The following CADM2 variants were observed in gnomAD, a reference collection of about 807,000 sequenced individuals.
CADM2 encodes immunoglobulin superfamily member 4D.
A neutral mutation model predicts 49.8 loss-of-function variants in CADM2; 12 were observed. That is an observed-to-expected ratio of 0.24 (90% CI 0.15 to 0.39). The LOEUF is 0.39. CADM2 is among the 10% of genes least tolerant of loss of function. CADM2 has a pLI of 1.00. For synonymous variants in CADM2, 214 were observed against 175.4 expected (o/e 1.22, Z -1.74); for missense variants, 378 against 492.3 (o/e 0.77, Z 2.20).
intron 1 of CADM2, among the ~76,000 whole-genome samples, chr3:85,389,649 G>A (rs973081051): frequency 6.6e-6 from 1 of 151,996 alleles, no homozygotes; most frequent in Admixed American, 6.5e-5. Flanking sequence ...AGTTACTAGA[G>A]ACATTTCCTA....
intron 3 of CADM2, among the ~76,000 whole-genome samples, chr3:85,803,142 C>T (rs13067258): frequency 6.6e-6 from 1 of 152,142 alleles, no homozygotes; most frequent in African/African-American, 2.4e-5. Context: ...TTCATTGTTA[C>T]AATTTTTCTT....
At chr3:85,881,050 A>G (rs1035076610) in intron 3 of CADM2, among the ~76,000 whole-genome samples, 22 of 152,084 alleles carry the variant, frequency 1.4e-4, no homozygotes, top group African/African-American at 5.1e-4. Flanking sequence ...ATTGTCTCAC[A>G]GGTCCCTGGG....
At chr3:85,733,502 G>A (rs2107801986) in intron 2 of CADM2, among the ~76,000 whole-genome samples, 1 of 152,232 alleles carries the variant, frequency 6.6e-6, no homozygotes, top group African/African-American at 2.4e-5. Context: ...AAACTAGTCT[G>A]GGTCACAATG....
intron 1 of CADM2, among the ~76,000 whole-genome samples, chr3:85,321,505 G>T (rs2044612337): frequency 6.6e-6 from 1 of 151,756 alleles, no homozygotes; most frequent in Non-Finnish European, 1.5e-5. Context: ...ATTTTAATTA[G>T]TATTATAGAC....
chr3:84,961,490 C>T (rs1021525316), intron 1 of CADM2, among the ~76,000 whole-genome samples: 1 of 152,180 alleles, frequency 6.6e-6, no homozygotes, highest in Non-Finnish European at 1.5e-5. Flanking sequence ...ACCTTTCACA[C>T]CCCCATCCTC....
At chr3:85,715,947 A>C (rs2067276574) in intron 1 of CADM2, among the ~76,000 whole-genome samples, 1 of 152,218 alleles carries the variant, frequency 6.6e-6, no homozygotes, top group African/African-American at 2.4e-5. Flanking sequence ...GCTATTGTGA[A>C]TAGTGCTGCA....
chr3:85,803,088 T>C (rs1157353607), intron 3 of CADM2, among the ~76,000 whole-genome samples: 1 of 152,168 alleles, frequency 6.6e-6, no homozygotes, highest in Non-Finnish European at 1.5e-5. Context: ...TACAGTCTAA[T>C]AAATGTGCTC....
At chr3:85,909,408 A>G (rs1315659691) in intron 5 of CADM2, among the ~76,000 whole-genome samples, 4 of 150,354 alleles carry the variant, frequency 2.7e-5, no homozygotes, top group Non-Finnish European at 4.4e-5. Context: ...TGAAATATAT[A>G]TATATATATA....
At chr3:85,177,897 T>C (rs2040826794) in intron 1 of CADM2, among the ~76,000 whole-genome samples, 1 of 150,656 alleles carries the variant, frequency 6.6e-6, no homozygotes, top group Non-Finnish European at 1.5e-5. Flanking sequence ...AAGAACACTG[T>C]GTGGGGGAGA....
chr3:86,026,377 G>A (rs1436337254), intron 8 of CADM2, among the ~76,000 whole-genome samples: 1 of 151,484 alleles, frequency 6.6e-6, no homozygotes, highest in Non-Finnish European at 1.5e-5. Context: ...ATGACTTTAA[G>A]TCACAATTTA....
intron 1 of CADM2, among the ~76,000 whole-genome samples, chr3:85,206,553 C>T (rs1327026693): frequency 1.3e-5 from 2 of 151,958 alleles, no homozygotes; most frequent in East Asian, 1.9e-4. Context: ...GTGATCCGCC[C>T]ACCTCGGCCT....
At chr3:85,252,548 C>T (rs2042799141) in intron 1 of CADM2, among the ~76,000 whole-genome samples, 1 of 151,954 alleles carries the variant, frequency 6.6e-6, no homozygotes, top group Admixed American at 6.6e-5. Flanking sequence ...TACATTAACA[C>T]CTGCATGGTG....
chr3:85,108,102 C>T (rs1056774306), intron 1 of CADM2, among the ~76,000 whole-genome samples: 21 of 152,096 alleles, frequency 1.4e-4, no homozygotes, highest in Non-Finnish European at 2.2e-4. Flanking sequence ...AGCAGGCACA[C>T]AAACAGGTAT....
intron 8 of CADM2, chr3:86,013,933 A>C (rs1731867339): frequency 5.1e-6 from 8 of 1,583,666 alleles, no homozygotes; most frequent in South Asian, 1.1e-5. Context: ...TGTGCCTTAA[A>C]TATGTGGTTG....
At chr3:85,778,081 C>T (rs2107980969) in intron 2 of CADM2, among the ~76,000 whole-genome samples, 1 of 152,180 alleles carries the variant, frequency 6.6e-6, no homozygotes, top group African/African-American at 2.4e-5. Flanking sequence ...AATTTGGCTC[C>T]TGCCCTAAAT....
At chr3:85,367,571 T>A (rs1344382481) in intron 1 of CADM2, among the ~76,000 whole-genome samples, 1 of 151,884 alleles carries the variant, frequency 6.6e-6, no homozygotes, top group African/African-American at 2.4e-5. Flanking sequence ...GGTCATTAAA[T>A]ATTTACTTAA....
chr3:85,672,664 A>C (rs1428335156), intron 1 of CADM2, among the ~76,000 whole-genome samples: 1 of 152,178 alleles, frequency 6.6e-6, no homozygotes, highest in Non-Finnish European at 1.5e-5. Flanking sequence ...ATTATAACTG[A>C]AAACATTCAG....
intron 1 of CADM2, among the ~76,000 whole-genome samples, chr3:85,547,557 C>G (rs60012465): frequency 0.043 from 6,489 of 152,202 alleles, 459 homozygotes; most frequent in African/African-American, 0.15. Flanking sequence ...AAAACTACCC[C>G]ACTCCGTGTC....
chr3:85,120,510 A>G (rs1446804296), intron 1 of CADM2, among the ~76,000 whole-genome samples: 1 of 152,212 alleles, frequency 6.6e-6, no homozygotes, highest in Admixed American at 6.5e-5. Flanking sequence ...AAAAAGAATG[A>G]GTTCATGTTT....
Sources: gnomAD v4.1 joint callset for allele counts (sites outside exome capture counted in the v4.1 genomes callset) on GRCh38, gnomAD v4.1.1 for gene constraint, MANE v1.5 for transcripts, NCBI Gene and HGNC (gene_info 2026-07-23, HGNC 2026-07-21) for gene names.